Variants in FZD3 observed in about 807,000 individuals in gnomAD.
FZD3 encodes frizzled class receptor 3.
Under a neutral mutation model 60.7 loss-of-function variants are expected in FZD3, and 30 were observed. That is an observed-to-expected ratio of 0.49 (90% CI 0.37 to 0.67). The LOEUF is 0.67. FZD3 is among the 30% of genes least tolerant of loss of function. The pLI, the probability that FZD3 is intolerant of heterozygous loss-of-function variation, is 0.00. For synonymous variants in FZD3, 246 were observed against 275.2 expected (o/e 0.89, Z 1.05); for missense variants, 605 against 838.7 (o/e 0.72, Z 3.44).
At chr8:28,542,198 C>T (rs956895749) in intron 5 of FZD3, among the ~76,000 whole-genome samples, 14 of 150,794 alleles carry the variant, frequency 9.3e-5, no homozygotes, top group African/African-American at 3.4e-4. Context: ...TCCATGCTCA[C>T]TTTTAGCCTT....
At chr8:28,558,136 T>C (rs1466250728) in intron 7 of FZD3, among the ~76,000 whole-genome samples, 1 of 152,178 alleles carries the variant, frequency 6.6e-6, no homozygotes, top group African/African-American at 2.4e-5. Context: ...ACTGAGGAGT[T>C]TGCATTTTTC....
At chr8:28,545,682 C>T (rs1293934103) in intron 5 of FZD3, among the ~76,000 whole-genome samples, 2 of 152,290 alleles carry the variant, frequency 1.3e-5, no homozygotes, top group East Asian at 1.9e-4. Context: ...CCCAGCTGAG[C>T]CCAGTCAATT....
intron 5 of FZD3, among the ~76,000 whole-genome samples, chr8:28,548,375 G>A (rs545100950): frequency 7.3e-5 from 11 of 151,572 alleles, no homozygotes; most frequent in Non-Finnish European, 1.5e-4. Flanking sequence ...GCAGTGGCGC[G>A]ATGCAGCCTC....
At position 28,551,771 on chromosome 8, in the gene FZD3, C is replaced by G. The variant is rs201782719; in HGVS notation, c.1553+20C>G. The G allele has an allele frequency of 3.2e-5, 50 of 1,583,642 alleles. No individual in the cohort carries two copies. The highest frequency in any genetic ancestry group is 1.6e-5 in the Non-Finnish European group (19 of 1,165,840). ...AAAAGAGTAAGTTGAAATAAATGATCACAGTGTTCACAAACCTCACATTTA... is the reference window on the plus strand; with the variant it reads ...AAAAGAGTAAGTTGAAATAAATGATGACAGTGTTCACAAACCTCACATTTA... On this transcript the variant is annotated intron_variant, in intron 6 of 7. Coordinates refer to ENST00000240093, the MANE Select transcript of FZD3 (RefSeq NM_017412.4).
At chr8:28,510,897 C>T (rs919155362) in intron 3 of FZD3, among the ~76,000 whole-genome samples, 2 of 150,854 alleles carry the variant, frequency 1.3e-5, no homozygotes, top group Admixed American at 6.6e-5. Context: ...ATTAGCCGGG[C>T]GTGGTGGTGG....
chr8:28,531,440 TGTA>T (rs1804873399), intron 5 of FZD3, among the ~76,000 whole-genome samples: 1 of 152,212 alleles, frequency 6.6e-6, no homozygotes, highest in African/African-American at 2.4e-5. Flanking sequence ...AATTTTTTGT[TGTA>T]AGCCATTTTT....
chr8:28,542,552 C>T (rs568115106), intron 5 of FZD3, among the ~76,000 whole-genome samples: 6 of 152,082 alleles, frequency 3.9e-5, no homozygotes, highest in Non-Finnish European at 7.4e-5. Context: ...GTAGGAGAAT[C>T]GCTTGAACCC....
In FZD3 at chr8:28,529,333, C is replaced by T. The variant is rs976903379; in HGVS notation, c.1404+1169C>T. 2.6e-5 allele frequency among the ~76,000 whole-genome samples: 4 copies of T among 152,160 alleles called. 1 individual carries two copies. The highest frequency in any genetic ancestry group is 9.7e-5 in the African/African-American group (4 of 41,436). ...AGTGCACCAGCCACCTTTCCATCTC[C>T]TCCAACCTTTGTTACTCTAATACTT... On this transcript the variant is annotated intron_variant, in intron 5 of 7. Transcript: ENST00000240093.
chr8:28,506,697 T>C (rs1173784252), intron 3 of FZD3, among the ~76,000 whole-genome samples: 1 of 152,176 alleles, frequency 6.6e-6, no homozygotes, highest in Non-Finnish European at 1.5e-5. Flanking sequence ...AAGGTTTTCT[T>C]ATAATGGGAG....
intron 3 of FZD3, among the ~76,000 whole-genome samples, chr8:28,520,221 C>CAAAAAAAAAAAAAAAAAAAA (rs199633141): frequency 7.6e-6 from 1 of 131,044 alleles, no homozygotes; most frequent in Non-Finnish European, 1.6e-5. Flanking sequence ...AAAAAAACAA[C>CAAAAAAAAAAAAAAAAAAAA]AAAAAAAAAA....
chr8:28,537,718 G>A (rs539352209), intron 5 of FZD3, among the ~76,000 whole-genome samples: 1 of 152,140 alleles, frequency 6.6e-6, no homozygotes, highest in Non-Finnish European at 1.5e-5. Flanking sequence ...AACAGTGGTT[G>A]GTGACCTATG....
rs942923487 is a variant in FZD3 at position 28,564,536 on chromosome 8, C to T, written c.*1525C>T. On this transcript the variant is annotated 3_prime_UTR_variant, in exon 8 of 8. Coordinates refer to ENST00000240093, the MANE Select transcript of FZD3 (RefSeq NM_017412.4). Reference sequence around the variant, plus strand: ...CTTTAACTTGCCCCTGATGATCTGTCGGCATCATATATCACATGAACATCC... The same window carrying T: ...CTTTAACTTGCCCCTGATGATCTGTTGGCATCATATATCACATGAACATCC... 2.7e-5 allele frequency: 4 copies of T among 150,588 alleles called. No homozygotes were observed. The highest frequency in any genetic ancestry group is 9.7e-5 in the African/African-American group (4 of 41,040). The allele number at this position is 150,588 out of a possible 1,614,324, so 9.3% of individuals were successfully genotyped here.
chr8:28,573,106 T>TA lies in FZD3; in HGVS notation c.*10096dup, dbSNP rs1805834624. ...TTCTTCCTAGGCAATATGCTCATGA[T>TA]ACCCTCTTCATGTGACCTATTCCTC... is the stretch of plus-strand genomic sequence containing the variant. On this transcript the variant is annotated 3_prime_UTR_variant, in exon 8 of 8. Coordinates refer to ENST00000240093, the MANE Select transcript of FZD3 (RefSeq NM_017412.4). 1 of 152,132 alleles carries TA rather than the reference T, an allele frequency of 6.6e-6. No individual in the cohort carries two copies. The highest frequency in any genetic ancestry group is 1.5e-5 in the Non-Finnish European group (1 of 68,008). The allele number at this position is 152,132 out of a possible 1,614,324, so 9.4% of individuals were successfully genotyped here. A position where few individuals can be genotyped will look rare whatever the true frequency, so the allele number is the denominator to read the frequency against.
At chr8:28,518,676 C>G (rs1009995302) in intron 3 of FZD3, among the ~76,000 whole-genome samples, 10 of 151,976 alleles carry the variant, frequency 6.6e-5, no homozygotes, top group Non-Finnish European at 1.2e-4. Context: ...CCCACTTCTT[C>G]TCATTTAGAT....
intron 5 of FZD3, among the ~76,000 whole-genome samples, chr8:28,540,998 C>T (rs1286339030): frequency 6.6e-6 from 1 of 152,046 alleles, no homozygotes; most frequent in Non-Finnish European, 1.5e-5. Flanking sequence ...AAAAACTAAA[C>T]ACTGTATCCC....
At chr8:28,499,154 G>A (rs1199744120) in intron 1 of FZD3, among the ~76,000 whole-genome samples, 1 of 151,940 alleles carries the variant, frequency 6.6e-6, no homozygotes, top group African/African-American at 2.4e-5. Flanking sequence ...TGTACTATAG[G>A]TTCTTTCATA....
chr8:28,511,235 C>G (rs933085790), intron 3 of FZD3, among the ~76,000 whole-genome samples: 3 of 152,028 alleles, frequency 2.0e-5, no homozygotes, highest in Non-Finnish European at 4.4e-5. Flanking sequence ...CACCTGTAAT[C>G]CCAGCACTTT....
At chr8:28,508,108 T>A (rs936320445) in intron 3 of FZD3, among the ~76,000 whole-genome samples, 1 of 152,168 alleles carries the variant, frequency 6.6e-6, no homozygotes, top group Non-Finnish European at 1.5e-5. Context: ...TTGCCCAGGC[T>A]GGTCTTGAAC....
intron 5 of FZD3, among the ~76,000 whole-genome samples, chr8:28,529,511 T>C (rs1298142156): frequency 6.6e-6 from 1 of 152,178 alleles, no homozygotes; most frequent in Non-Finnish European, 1.5e-5. Flanking sequence ...TGTGGGTATA[T>C]TGCTTGAGAA....
Sources: gnomAD v4.1 joint callset for allele counts (sites outside exome capture counted in the v4.1 genomes callset) on GRCh38, gnomAD v4.1.1 for gene constraint, MANE v1.5 for transcripts, NCBI Gene and HGNC (gene_info 2026-07-23, HGNC 2026-07-21) for gene names.